NLRC4: variants seen among roughly 807,000 people sequenced by gnomAD.
NLRC4 encodes the protein NLR family CARD domain-containing protein 4.
Under a neutral mutation model 79.9 loss-of-function variants are expected in NLRC4, and 63 were observed. The ratio of observed to expected loss-of-function variants is 0.79; its 90% CI spans 0.64 to 0.97. The LOEUF is 0.97. Among genes scored for constraint, NLRC4 ranks in the 50% least tolerant of loss-of-function variants. The probability of loss-of-function intolerance (pLI) is 0.00; values close to 1 mark genes in which losing one functional copy is unlikely to be tolerated. For missense variants in NLRC4, 1,074 were observed against 1,215.2 expected, an observed-to-expected ratio of 0.88 and a Z score of 1.73; for synonymous variants, 461 against 456.5, an observed-to-expected ratio of 1.01 and a Z score of -0.12.
intron 2 of NLRC4, among the ~76,000 whole-genome samples, chr2:32,256,347 A>C (rs1687207544): frequency 6.6e-6 from 1 of 152,116 alleles, no homozygotes; most frequent in Non-Finnish European, 1.5e-5. Context: ...ATTTTATTTA[A>C]ATTCACCTTT....
intron 1 of NLRC4, among the ~76,000 whole-genome samples, chr2:32,257,995 C>T (rs1013421503): frequency 6.6e-6 from 1 of 152,130 alleles, no homozygotes; most frequent in East Asian, 1.9e-4. Context: ...GGACAGAGGG[C>T]TTTCTGTATT....
chr2:32,251,096 C>G lies in NLRC4; in HGVS notation c.768G>C (p.Gln256His). Residue 256 changes from glutamine to histidine, a missense_variant, in exon 4 of 9, where the codon CAG (glutamine) becomes CAC (histidine). Coordinates refer to ENST00000402280, the MANE Select transcript of NLRC4 (RefSeq NM_001199138.2). ...TCAGGGCTTCGATTTCTGGGCAGTT[C>G]TGGGGCTTGAATTCATTGTAGCCAT... ...LLDGYNEFKP[Q>H]NCPEIEALIK... The G allele has an allele frequency of 6.2e-7, 1 of 1,614,150 alleles. No homozygotes were observed. Among genetic ancestry groups the G allele is most frequent in the Non-Finnish European group, 8.5e-7 (1 of 1,180,036 alleles).
intron 1 of NLRC4, among the ~76,000 whole-genome samples, chr2:32,257,386 T>A (rs1176638290): frequency 2.0e-5 from 3 of 152,002 alleles, no homozygotes; most frequent in African/African-American, 7.2e-5. Flanking sequence ...GGCAGGCGGA[T>A]CACGTGAGGT....
Position 32,248,658 on chromosome 2 carries a change from T to TA in NLRC4, c.2257+948dup, listed in dbSNP as rs1323347749. Among the ~76,000 whole-genome samples the TA allele has an allele frequency of 6.6e-5, 10 of 150,516 alleles. No individual in the cohort carries two copies. The Middle Eastern group carries it at 0.017, about 256-fold the overall frequency. ...AACATAGTGAGACCTCATCTCCCCA[T>TA]AAAAAATCAAACAATGAGGATCAAC... On this transcript the variant is annotated intron_variant, in intron 4 of 8. Transcript: ENST00000402280.
chr2:32,232,896 C>G (rs974873269), intron 8 of NLRC4, among the ~76,000 whole-genome samples: 1 of 151,934 alleles, frequency 6.6e-6, no homozygotes, highest in Admixed American at 6.6e-5. Context: ...TTGTCATAAT[C>G]TAGTCATTGC....
In NLRC4 at chr2:32,250,781, C is replaced by A; in HGVS notation, c.1083G>T (p.Thr361=). 3 of 1,614,146 alleles carry A rather than the reference C, an allele frequency of 1.9e-6. No homozygotes were observed. Among genetic ancestry groups the A allele is most frequent in the Non-Finnish European group, 2.5e-6 (3 of 1,180,006 alleles). Residue 361 remains threonine (T), a synonymous_variant, in exon 4 of 9, where the codon ACG becomes ACT. Coordinates refer to ENST00000402280, the MANE Select transcript of NLRC4 (RefSeq NM_001199138.2). This position sits in a 1 kb window ranked among gnomAD's most constrained non-coding sequence, Gnocchi z 4.9. Reference sequence around the variant, plus strand: ...ACAGATCATAGAAGGTATGGAACAGCGTTGTTTGTGTGTGAGAGTGGAACT... The same window carrying A: ...ACAGATCATAGAAGGTATGGAACAGAGTTGTTTGTGTGTGAGAGTGGAACT... ...ESEFHSHTQT[T]LFHTFYDLLI...
At chr2:32,252,715 C>G in intron 2 of NLRC4, 36 bp from the exon 3 acceptor site, 2 of 1,586,622 alleles carry the variant, frequency 1.3e-6, no homozygotes, top group Non-Finnish European at 1.7e-6. Context: ...TATTTATTTA[C>G]TTATATAAAA....
intron 4 of NLRC4, among the ~76,000 whole-genome samples, chr2:32,248,332 G>A (rs143282015): frequency 2.0e-5 from 3 of 152,264 alleles, no homozygotes; most frequent in Non-Finnish European, 4.4e-5. Flanking sequence ...GCCATGACAG[G>A]ATGGGAGGTC....
chr2:32,225,326 A>G (rs1457782128), intron 8 of NLRC4, among the ~76,000 whole-genome samples: 1 of 152,080 alleles, frequency 6.6e-6, no homozygotes, highest in Non-Finnish European at 1.5e-5. Context: ...TAGGGCACCT[A>G]AAGTATTTCC....
chr2:32,226,946 A>G (rs750319190), intron 8 of NLRC4, among the ~76,000 whole-genome samples: 1 of 152,034 alleles, frequency 6.6e-6, no homozygotes. Context: ...TCCTTATTCC[A>G]TAGTTAATAG....
intron 1 of NLRC4, among the ~76,000 whole-genome samples, chr2:32,257,506 C>A (rs561210386): frequency 6.6e-6 from 1 of 151,608 alleles, no homozygotes; most frequent in South Asian, 2.1e-4. Context: ...GTTCCGGAGG[C>A]TGAGGCAGGA....
chr2:32,257,230 A>G (rs998725959), intron 1 of NLRC4, among the ~76,000 whole-genome samples: 2 of 152,242 alleles, frequency 1.3e-5, no homozygotes, highest in African/African-American at 4.8e-5. Flanking sequence ...CGTTCTCTCC[A>G]GTATTTCCAG....
intron 2 of NLRC4, among the ~76,000 whole-genome samples, chr2:32,253,548 C>T (rs542595935): frequency 1.3e-5 from 2 of 152,158 alleles, no homozygotes; most frequent in Non-Finnish European, 2.9e-5. Context: ...ATAAAGCAGT[C>T]CCCAGTGAGG....
Position 32,250,589 on chromosome 2 carries a change from C to T in NLRC4, c.1275G>A (p.Gly425=), listed in dbSNP as rs2148942374. Residue 425 remains glycine (G), a synonymous_variant, in exon 4 of 9, where the codon GGG becomes GGA. Transcript: ENST00000402280. The surrounding 1 kb of genome is among the most constrained non-coding windows in gnomAD (Gnocchi z 4.9). ...SVNEDVLLTT[G]LLCKYTAQRF... is the part of the protein sequence containing the mutation. The stretch of plus-strand genomic sequence containing the variant: ...TTTGAGCTGTATATTTACAGAGGAG[C>T]CCAGTTGTCAGCAGGACATCCTCAT... 1 of 1,614,106 alleles carries T rather than the reference C, an allele frequency of 6.2e-7. No individual in the cohort carries two copies. Among genetic ancestry groups the T allele is most frequent in the Non-Finnish European group, 8.5e-7 (1 of 1,180,024 alleles).
intron 2 of NLRC4, among the ~76,000 whole-genome samples, chr2:32,256,080 A>T (rs1687201975): frequency 6.6e-6 from 1 of 152,174 alleles, no homozygotes; most frequent in South Asian, 2.1e-4. Flanking sequence ...TTACTATGTT[A>T]TATCTCCTTG....
chr2:32,250,939 T>A lies in NLRC4; in HGVS notation c.925A>T (p.Ile309Phe). The change falls in exon 4 of 9, where the codon ATC becomes TTC. Residue 309 changes from isoleucine (I) to phenylalanine (F), a missense_variant. By Grantham distance (21) the Ile-to-Phe change is conservative. Transcript: ENST00000402280. The surrounding 1 kb of genome is among the most constrained non-coding windows in gnomAD (Gnocchi z 4.9). ...AGCTCCTTGATCAGCACTTCTCGGATGAGAGCCTGGGCGCTGTCTTCTGTC... is the reference window on the plus strand; with the variant it reads ...AGCTCCTTGATCAGCACTTCTCGGAAGAGAGCCTGGGCGCTGTCTTCTGTC... The part of the protein sequence containing the change: ...DMTEDSAQAL[I>F]REVLIKELAE... The A allele has an allele frequency of 6.2e-7, 1 of 1,614,026 alleles. No homozygotes were observed. Among genetic ancestry groups the A allele is most frequent in the Non-Finnish European group, 8.5e-7 (1 of 1,180,026 alleles).
At chr2:32,246,088 G>A (rs1686929761) in intron 4 of NLRC4, among the ~76,000 whole-genome samples, 1 of 152,210 alleles carries the variant, frequency 6.6e-6, no homozygotes, top group African/African-American at 2.4e-5. Context: ...GGATTCTGAG[G>A]CCGGAGACTT....
intron 1 of NLRC4, among the ~76,000 whole-genome samples, chr2:32,263,041 TA>T (rs1687389655): frequency 6.6e-6 from 1 of 152,130 alleles, no homozygotes; most frequent in African/African-American, 2.4e-5. Flanking sequence ...GTACTAATTC[TA>T]AAATTGGCAT....
chr2:32,249,820 T>TC lies in NLRC4; in HGVS notation c.2043dup (p.Lys682GlufsTer31), dbSNP rs1573492018. On this transcript the variant is annotated frameshift_variant, in exon 4 of 9. Coordinates refer to ENST00000402280, the MANE Select transcript of NLRC4 (RefSeq NM_001199138.2). LOFTEE classifies it high-confidence loss of function. ...AGGCTTGTGGCAGAGCTGAATATTT[T>TC]CCCCAGATATCTGATATCTTGCTTA... is the stretch of plus-strand genomic sequence containing the variant. The TC allele has an allele frequency of 4.3e-6, 7 of 1,614,232 alleles. No homozygotes were observed. Among genetic ancestry groups the TC allele is most frequent in the Non-Finnish European group, 5.9e-6 (7 of 1,180,040 alleles).
Sources: gnomAD v4.1 joint callset for allele counts (sites outside exome capture counted in the v4.1 genomes callset) on GRCh38, gnomAD v4.1.1 for gene constraint, Gnocchi (gnomAD v3.1) non-coding constraint, MANE v1.5 for transcripts, NCBI Gene and HGNC (gene_info 2026-07-23, HGNC 2026-07-21) for gene names.